The following HYAL4 variants were observed in gnomAD, a reference collection of about 807,000 sequenced individuals.
The protein encoded by HYAL4 is hyaluronidase-4.
HYAL4 carries 37 observed loss-of-function variants against 35.2 expected under a neutral mutation model. The observed-to-expected ratio is 1.05, with a 90% confidence interval of 0.81 to 1.38. The LOEUF (loss-of-function observed/expected upper bound fraction) is 1.38. Among genes scored for constraint, HYAL4 ranks in the 40% most tolerant of loss-of-function variants. HYAL4 has a pLI of 0.00. For missense variants in HYAL4, 572 were observed against 572.4 expected (o/e 1.00, Z 0.01); for synonymous variants, 198 against 203.2 (o/e 0.97, Z 0.22).
At chr7:123,791,281 A>G in the HYAL4 span, among the ~76,000 whole-genome samples, 1 of 152,186 alleles carries the variant, frequency 6.6e-6, no homozygotes, top group Non-Finnish European at 1.5e-5. Context: ...CAACATGGGC[A>G]TGTTGTTCAA....
the HYAL4 span, among the ~76,000 whole-genome samples, chr7:123,821,069 T>C: frequency 1.3e-5 from 2 of 152,244 alleles, no homozygotes; most frequent in African/African-American, 2.4e-5. Context: ...ACTTGGATTG[T>C]TTCCATTTCT....
At chr7:123,797,671 A>G in the HYAL4 span, among the ~76,000 whole-genome samples, 4 of 152,246 alleles carry the variant, frequency 2.6e-5, no homozygotes, top group Non-Finnish European at 5.9e-5. Context: ...TGGGCCTAGC[A>G]TATGTAAACT....
chr7:123,843,443 A>C (rs186558480), upstream of HYAL4, among the ~76,000 whole-genome samples: 37 of 151,770 alleles, frequency 2.4e-4, no homozygotes, highest in African/African-American at 8.4e-4. Flanking sequence ...TTTTTCCTTC[A>C]TTTCAACCTT....
chr7:123,785,851 A>G, the HYAL4 span, among the ~76,000 whole-genome samples: 17 of 152,190 alleles, frequency 1.1e-4, no homozygotes, highest in African/African-American at 3.1e-4. This position sits in a 1 kb window ranked among gnomAD's most constrained non-coding sequence, Gnocchi z 4.5. Flanking sequence ...ATATGTTGCC[A>G]GATAATGCAG....
the HYAL4 span, among the ~76,000 whole-genome samples, chr7:123,783,518 A>G: frequency 6.6e-6 from 1 of 152,300 alleles, no homozygotes; most frequent in African/African-American, 2.4e-5. Context: ...GAATCATTGA[A>G]AAGGATTTCA....
the HYAL4 span, among the ~76,000 whole-genome samples, chr7:123,796,639 G>A: frequency 1.3e-5 from 2 of 152,142 alleles, no homozygotes; most frequent in East Asian, 3.9e-4. Context: ...GTACACTAAT[G>A]TTTATAGCAG....
At chr7:123,773,155 T>C in the HYAL4 span, among the ~76,000 whole-genome samples, 1 of 152,226 alleles carries the variant, frequency 6.6e-6, no homozygotes, top group Non-Finnish European at 1.5e-5. Context: ...ACTTCGTTTT[T>C]GCTTCTTTAT....
rs1375944778 is a variant in HYAL4, at chr7:123,868,839, T to C, written c.566T>C (p.Val189Ala). Residue 189 changes from valine (V) to alanine (A), a missense_variant, in exon 3 of 5, where the codon GTG becomes GCG. Coordinates refer to ENST00000223026, the MANE Select transcript of HYAL4 (RefSeq NM_012269.3). ...SATDIEYLAK[V>A]TFEESAKAFM... ...ACCGATATTGAATATTTAGCCAAAG[T>C]GACCTTTGAAGAAAGTGCAAAAGCT... The C allele has an allele frequency of 6.2e-7, 1 of 1,614,224 alleles. No homozygotes were observed. The highest frequency in any genetic ancestry group is 8.5e-7 in the Non-Finnish European group (1 of 1,180,032).
rs1806369287 is a variant in HYAL4 at position 123,853,851 on chromosome 7, T to C, written c.-52+5693T>C. On this transcript the variant is annotated intron_variant, in intron 2 of 4. Transcript: ENST00000223026. The stretch of plus-strand genomic sequence containing the variant: ...GGTAGAATTCGGATGTGAATCCTTC[T>C]GGTCCTGGGCTTTTTTTGGTTGGTA... 3.3e-5 allele frequency among the ~76,000 whole-genome samples: 5 copies of C among 152,228 alleles called. No individual in the cohort carries two copies. In the South Asian group the frequency reaches 1.0e-3, roughly 31 times the overall value.
At chr7:123,801,176 G>A in the HYAL4 span, among the ~76,000 whole-genome samples, 1 of 152,086 alleles carries the variant, frequency 6.6e-6, no homozygotes, top group Non-Finnish European at 1.5e-5. Context: ...ATCAGCCAAT[G>A]AGAATATGGT....
the HYAL4 span, among the ~76,000 whole-genome samples, chr7:123,801,363 A>T: frequency 6.6e-6 from 1 of 152,282 alleles, no homozygotes. Flanking sequence ...AGGAATACTG[A>T]TCTGTTTTCC....
chr7:123,855,883 G>A (rs1020721444), intron 2 of HYAL4, among the ~76,000 whole-genome samples: 2 of 151,932 alleles, frequency 1.3e-5, no homozygotes, highest in South Asian at 4.2e-4. Context: ...ATTTGTTGGA[G>A]GCTTTGTTTG....
intron 3 of HYAL4, among the ~76,000 whole-genome samples, chr7:123,872,670 T>C (rs960075691): frequency 8.5e-5 from 13 of 152,184 alleles, no homozygotes; most frequent in South Asian, 2.1e-4. Context: ...ACAACACCAC[T>C]GTGGCTCAAG....
At chr7:123,870,949 G>A (rs1288984472) in intron 3 of HYAL4, among the ~76,000 whole-genome samples, 2 of 152,010 alleles carry the variant, frequency 1.3e-5, no homozygotes, top group Non-Finnish European at 1.5e-5. Flanking sequence ...GGGACAAAAC[G>A]TTCATTTCAA....
chr7:123,830,556 T>G (rs1805865126), intron 1 of HYAL4, among the ~76,000 whole-genome samples: 2 of 152,208 alleles, frequency 1.3e-5, no homozygotes, highest in African/African-American at 4.8e-5. Flanking sequence ...CACAGCACTC[T>G]TTATCTGGAC....
intron 2 of HYAL4, among the ~76,000 whole-genome samples, chr7:123,861,224 C>T (rs1049076271): frequency 1.3e-5 from 2 of 152,146 alleles, no homozygotes; most frequent in Non-Finnish European, 2.9e-5. Flanking sequence ...TATCCCAACA[C>T]TCCTAATCAA....
At chr7:123,836,585 T>C (rs1805966565) in intron 1 of HYAL4, among the ~76,000 whole-genome samples, 1 of 152,208 alleles carries the variant, frequency 6.6e-6, no homozygotes, top group Non-Finnish European at 1.5e-5. Flanking sequence ...CATTCAACGT[T>C]AGTACAGAGA....
At chr7:123,851,605 G>A (rs1806307043) in intron 2 of HYAL4, among the ~76,000 whole-genome samples, 1 of 152,150 alleles carries the variant, frequency 6.6e-6, no homozygotes, top group South Asian at 2.1e-4. Context: ...GTATTCCATG[G>A]TGTATATGTG....
At chr7:123,832,503 TTTTTTTTTTTTTTTG>T (rs1465260138) in intron 1 of HYAL4, among the ~76,000 whole-genome samples, 7 of 106,594 alleles carry the variant, frequency 6.6e-5, no homozygotes, top group Non-Finnish European at 9.4e-5. Flanking sequence ...TTTTTTTTTT[TTTTTTTTTTTTTTTG>T]AGACAGAGTC....
Sources: gnomAD v4.1 joint callset for allele counts (sites outside exome capture counted in the v4.1 genomes callset) on GRCh38, gnomAD v4.1.1 for gene constraint, Gnocchi (gnomAD v3.1) non-coding constraint, MANE v1.5 for transcripts, NCBI Gene and HGNC (gene_info 2026-07-23, HGNC 2026-07-21) for gene names.